The following PIK3R4 variants were observed in gnomAD, a reference collection of about 807,000 sequenced individuals.
PIK3R4 encodes the protein phosphoinositide 3-kinase regulatory subunit 4.
In PIK3R4, 46 loss-of-function variants were observed where a neutral mutation model predicts 136.5. That is an observed-to-expected ratio of 0.34 (90% CI 0.27 to 0.43). The LOEUF is 0.43. PIK3R4 is among the 20% of genes least tolerant of loss of function. The probability of loss-of-function intolerance (pLI) is 1.00; values close to 1 mark genes in which losing one functional copy is unlikely to be tolerated. For missense variants in PIK3R4, 1,331 were observed against 1,649.5 expected (o/e 0.81, Z 3.35); for synonymous variants, 557 against 566.7 (o/e 0.98, Z 0.24).
rs778622731 is a variant in PIK3R4 at position 130,733,946 on chromosome 3, C to T, written c.1052G>A (p.Gly351Asp). ...TCCACAGAGATTGTGAATAATGTTG[C>T]CCAAATCCTTCCGTATAACCAGAAT... The part of the protein sequence containing the change: ...ERILVIRKDL[G>D]NIIHNLCGHD... Residue 351 changes from glycine (G) to aspartate (D), a missense_variant, in exon 4 of 20, where the codon GGC becomes GAC. Gly to Asp is a moderately conservative substitution (Grantham distance 94). Transcript: ENST00000356763. 3 of 1,614,096 alleles carry T rather than the reference C, an allele frequency of 1.9e-6. No individual in the cohort carries two copies. The South Asian group carries it at 3.3e-5, about 18-fold the overall frequency.
At chr3:130,689,945 C>T (rs1177919537) in intron 14 of PIK3R4, among the ~76,000 whole-genome samples, 1 of 152,210 alleles carries the variant, frequency 6.6e-6, no homozygotes, top group Non-Finnish European at 1.5e-5. Flanking sequence ...CAAGCAACCA[C>T]AATTTATAAA....
In PIK3R4 at chr3:130,727,654, TA is replaced by T. The variant is rs369332392; in HGVS notation, c.1807+808del. On this transcript the variant is annotated intron_variant, in intron 6 of 19. Coordinates refer to ENST00000356763, the MANE Select transcript of PIK3R4 (RefSeq NM_014602.3). ...TACAACTATGTGGGAAATGATATAA[TA>T]GGGGGTAGTGGATAATCATAATAAT... Among the ~76,000 whole-genome samples the T allele has an allele frequency of 1.9e-4, 29 of 152,284 alleles. 2 individuals carry two copies. Among genetic ancestry groups the T allele is most frequent in the African/African-American group, 6.7e-4 (28 of 41,550 alleles).
intron 12 of PIK3R4, 63 bp from the exon 13 acceptor site, chr3:130,703,951 C>T (rs1006282586): frequency 1.9e-6 from 2 of 1,077,392 alleles, no homozygotes; most frequent in African/African-American, 1.6e-5. Flanking sequence ...CCCCATCATC[C>T]CCTGTTATAA....
At chr3:130,728,436 A>T in intron 6 of PIK3R4, 27 bp downstream of exon 6, 2 of 1,436,946 alleles carry the variant, frequency 1.4e-6, no homozygotes, top group Non-Finnish European at 9.6e-7. Flanking sequence ...TAAAAATCTT[A>T]AAGGAATTTA....
intron 14 of PIK3R4, among the ~76,000 whole-genome samples, chr3:130,687,842 C>T (rs943584317): frequency 6.6e-6 from 1 of 152,078 alleles, no homozygotes; most frequent in African/African-American, 2.4e-5. Flanking sequence ...ATGCTCCAGG[C>T]TTGTTTTATT....
intron 17 of PIK3R4, 93 bp from the exon 18 acceptor site, chr3:130,681,158 C>T (rs930158242): frequency 2.6e-6 from 2 of 777,060 alleles, no homozygotes; most frequent in Non-Finnish European, 4.6e-6. Context: ...CTGTCAGTAG[C>T]TTTACAAGCA....
rs745365267 is a variant in PIK3R4 at position 130,718,524 on chromosome 3, C to T, written c.1992G>A (p.Leu664=). ...YEFASDIAPF[L]CHPNLWIRYG... ...AACGTATCCATAAATTGGGATGACA[C>T]AGGAAGGGGGCTAAAGAGGAAAAGA... The change falls in exon 8 of 20, where the codon CTG becomes CTA. Residue 664 remains leucine (L), a synonymous_variant. Transcript: ENST00000356763. 10 of 1,613,766 alleles carry T rather than the reference C, an allele frequency of 6.2e-6. No homozygotes were observed. Among genetic ancestry groups the T allele is most frequent in the Non-Finnish European group, 8.5e-6 (10 of 1,179,806 alleles).
chr3:130,710,161 C>T (rs556024512), intron 9 of PIK3R4, among the ~76,000 whole-genome samples: 9 of 152,012 alleles, frequency 5.9e-5, no homozygotes, highest in South Asian at 4.1e-4. Context: ...AGTGAGCAAA[C>T]CAAATCCAGT....
rs779099985 is a variant in PIK3R4, at chr3:130,705,688, A to C, written c.2805T>G (p.Ile935Met). 1.2e-6 allele frequency: 2 copies of C among 1,612,536 alleles called. No individual in the cohort carries two copies. Among genetic ancestry groups the C allele is most frequent in the Admixed American group, 1.7e-5 (1 of 60,022 alleles). Residue 935 changes from isoleucine to methionine, a missense_variant, in exon 12 of 20, where the codon ATT (isoleucine) becomes ATG (methionine). Physicochemically the swap from Ile to Met is conservative, Grantham distance 10. Coordinates refer to ENST00000356763, the MANE Select transcript of PIK3R4 (RefSeq NM_014602.3). ...SSTILPSTYQ[I>M]RITTCKTELQ... ...GTTCAGTTTTACAAGTTGTAATTCGAATCTGATAGGTGGATGGTAAGATTG... is the reference window on the plus strand; with the variant it reads ...GTTCAGTTTTACAAGTTGTAATTCGCATCTGATAGGTGGATGGTAAGATTG...
At chr3:130,745,311 A>C in intron 1 of PIK3R4, 47 bp from the exon 2 acceptor site, 1 of 1,310,438 alleles carries the variant, frequency 7.6e-7, no homozygotes, top group Non-Finnish European at 1.0e-6. Flanking sequence ...GAAACAAAGA[A>C]GCTGTGAAAC....
In PIK3R4 at chr3:130,681,032, T is replaced by C; in HGVS notation, c.3742A>G (p.Ser1248Gly). 2 of 1,597,372 alleles carry C rather than the reference T, an allele frequency of 1.3e-6. No homozygotes were observed. The highest frequency in any genetic ancestry group is 1.7e-6 in the Non-Finnish European group (2 of 1,165,250). The change falls in exon 18 of 20, where the codon AGT (serine) becomes GGT (glycine). Residue 1248 changes from serine (S) to glycine (G), a missense_variant. Around this residue, in one of 2 missense-constraint regions of PIK3R4, gnomAD observed 1,180 missense variants for 1,407.0 expected, o/e 0.84. Transcript: ENST00000356763. ...SPHSVHGIYC[S>G]PADGNPILLT... ...AGGATAGGATTTCCATCTGCAGGAC[T>C]ACAGTAGATACCATGGACGCTATGA...
intron 6 of PIK3R4, among the ~76,000 whole-genome samples, chr3:130,724,980 T>C (rs1000361252): frequency 5.9e-5 from 9 of 152,114 alleles, no homozygotes; most frequent in African/African-American, 1.9e-4. Flanking sequence ...TTGTTTTTCA[T>C]ACATTATACA....
Position 130,728,462 on chromosome 3 carries a change from C to A in PIK3R4, c.1807+1G>T. 1 of 1,577,872 alleles carries A rather than the reference C, an allele frequency of 6.3e-7. No homozygotes were observed. Among genetic ancestry groups the A allele is most frequent in the Non-Finnish European group, 8.6e-7 (1 of 1,159,334 alleles). On this transcript the variant is annotated splice_donor_variant, in intron 6 of 19. Coordinates refer to ENST00000356763, the MANE Select transcript of PIK3R4 (RefSeq NM_014602.3). LOFTEE classifies it high-confidence loss of function. Reference sequence around the variant, plus strand: ...AAGGAATTTAAAAGCAAAAAACATACCAACTATACTATCAAAAAATGCTCC... The same window carrying A: ...AAGGAATTTAAAAGCAAAAAACATAACAACTATACTATCAAAAAATGCTCC...
At chr3:130,703,150 G>T (rs1297985806) in intron 13 of PIK3R4, among the ~76,000 whole-genome samples, 1 of 151,894 alleles carries the variant, frequency 6.6e-6, no homozygotes, top group East Asian at 1.9e-4. Flanking sequence ...CTCTTCAAAG[G>T]CTCCCCACCT....
Position 130,690,192 on chromosome 3 carries a change from C to T in PIK3R4, c.3263+298G>A, listed in dbSNP as rs1455606627. Among the ~76,000 whole-genome samples, 4 of 152,246 alleles carry T rather than the reference C, an allele frequency of 2.6e-5. No homozygotes were observed. In the East Asian group the frequency reaches 7.7e-4, roughly 29 times the overall value. On this transcript the variant is annotated intron_variant, in intron 14 of 19. Transcript: ENST00000356763. ...AACTGGTAATTTTAGGTTATTCAGACAAATTCTAGACTGGGATGAGCTGCA... is the reference window on the plus strand; with the variant it reads ...AACTGGTAATTTTAGGTTATTCAGATAAATTCTAGACTGGGATGAGCTGCA...
At chr3:130,681,624 G>C (rs2108513817) in intron 16 of PIK3R4, 33 bp from the exon 17 acceptor site, 1 of 1,289,264 alleles carries the variant, frequency 7.8e-7, no homozygotes, top group South Asian at 1.2e-5. Flanking sequence ...TCTTGACTCA[G>C]ACAAAAAGAG....
chr3:130,716,260 G>T, intron 9 of PIK3R4, 136 bp downstream of exon 9: 1 of 669,228 alleles, frequency 1.5e-6, no homozygotes. Context: ...AAATGCCTAA[G>T]ATGTTTGCCA....
chr3:130,716,114 G>C (rs1170806041), intron 9 of PIK3R4, among the ~76,000 whole-genome samples: 1 of 152,156 alleles, frequency 6.6e-6, no homozygotes, highest in Admixed American at 6.5e-5. Context: ...ATCTAAGGTT[G>C]TTTCTACTGT....
chr3:130,691,867 GTTTTTTT>G (rs757678674), intron 13 of PIK3R4, among the ~76,000 whole-genome samples: 68 of 100,816 alleles, frequency 6.7e-4, no homozygotes, highest in Non-Finnish European at 7.5e-4. Context: ...TCTCTCTCTA[GTTTTTTT>G]TTTTTTTTTT....
Sources: gnomAD v4.1 joint callset for allele counts (sites outside exome capture counted in the v4.1 genomes callset) on GRCh38, gnomAD v4.1.1 for gene constraint, gnomAD v4.1.1 regional missense constraint, MANE v1.5 for transcripts, NCBI Gene and HGNC (gene_info 2026-07-23, HGNC 2026-07-21) for gene names.